Variants in FNDC1 observed in about 807,000 individuals in gnomAD.
FNDC1 encodes the protein fibronectin type III domain-containing protein 1.
In FNDC1, 96 loss-of-function variants were observed where a neutral mutation model predicts 168.0. That is an observed-to-expected ratio of 0.57 (90% confidence interval 0.48 to 0.68). FNDC1 has a LOEUF of 0.68. Among genes scored for constraint, FNDC1 ranks in the 30% least tolerant of loss-of-function variants. The pLI is 0.00. For synonymous variants in FNDC1, 1,099 were observed against 1,025.9 expected, an observed-to-expected ratio of 1.07 and a Z score of -1.36; for missense variants, 2,587 against 2,482.1, an observed-to-expected ratio of 1.04 and a Z score of -0.90.
At chr6:159,263,177 T>G (rs1350643514) in intron 19 of FNDC1, among the ~76,000 whole-genome samples, 1 of 152,122 alleles carries the variant, frequency 6.6e-6, no homozygotes, top group Non-Finnish European at 1.5e-5. Flanking sequence ...TGAACTTCAG[T>G]TCAGAGCAGG....
At chr6:159,237,339 G>T (rs922451569) in intron 12 of FNDC1, among the ~76,000 whole-genome samples, 4 of 152,312 alleles carry the variant, frequency 2.6e-5, no homozygotes, top group Admixed American at 6.5e-5. Context: ...GATCACTGAG[G>T]ATTTTGTCAA....
chr6:159,169,539 C>G lies in FNDC1; in HGVS notation c.-58C>G. 1.9e-6 allele frequency: 1 copy of G among 520,030 alleles called. No individual in the cohort carries two copies. The highest frequency in any genetic ancestry group is 2.6e-6 in the Non-Finnish European group (1 of 387,552). The allele number at this position is 520,030 out of a possible 1,614,324, so 32.2% of individuals were successfully genotyped here. The stretch of plus-strand genomic sequence containing the variant: ...CGGCGCCTCGGCACTCCCCAGACTC[C>G]GGCCAGCGCCCCCCTGCCAGCCGCA... On this transcript the variant is annotated 5_prime_UTR_variant, in exon 1 of 23. Transcript: ENST00000297267. This position sits in a 1 kb window ranked among gnomAD's most constrained non-coding sequence, Gnocchi z 6.8.
intron 1 of FNDC1, among the ~76,000 whole-genome samples, chr6:159,183,669 G>A (rs192070373): frequency 6.6e-6 from 1 of 152,308 alleles, no homozygotes; most frequent in Non-Finnish European, 1.5e-5. Flanking sequence ...CTGGCAAAGG[G>A]GACCAAGACG....
rs750106567 is a variant in FNDC1 at position 159,197,533 on chromosome 6, A to G, written c.212A>G (p.Glu71Gly). The G allele has an allele frequency of 5.6e-6, 9 of 1,614,050 alleles. No individual in the cohort carries two copies. Among genetic ancestry groups the G allele is most frequent in the Non-Finnish European group, 6.8e-6 (8 of 1,179,892 alleles). Reference sequence around the variant, plus strand: ...AAAGATGCTACCAGTAGACCTGTGGAGCATTACAACATTGCCTATGGGAAG... The same window carrying G: ...AAAGATGCTACCAGTAGACCTGTGGGGCATTACAACATTGCCTATGGGAAG... ...PPKDATSRPVEHYNIAYGKSL... is the reference protein window; with the variant it reads ...PPKDATSRPVGHYNIAYGKSL... The change falls in exon 2 of 23, where the codon GAG becomes GGG. Residue 71 changes from glutamate to glycine, a missense_variant. Coordinates refer to ENST00000297267, the MANE Select transcript of FNDC1 (RefSeq NM_032532.3).
In FNDC1 at chr6:159,232,100, G is replaced by C. The variant is rs540838979; in HGVS notation, c.1588G>C (p.Ala530Pro). Residue 530 changes from alanine to proline, a missense_variant, in exon 11 of 23, where the codon GCA becomes CCA. By Grantham distance (27) the Ala-to-Pro change is conservative. Transcript: ENST00000297267. The surrounding 1 kb of genome is among the most constrained non-coding windows in gnomAD (Gnocchi z 4.9). Reference sequence around the variant, plus strand: ...AAAACCCCAGCTTCGCGCCAAGAAGGCAGAGGAGCTGGATCTTCAGTCGAC... The same window carrying C: ...AAAACCCCAGCTTCGCGCCAAGAAGCCAGAGGAGCTGGATCTTCAGTCGAC... ...PRKPQLRAKK[A>P]EELDLQSTEI... 3.1e-6 allele frequency: 5 copies of C among 1,613,930 alleles called. No individual in the cohort carries two copies. The East Asian group carries it at 8.9e-5, about 29-fold the overall frequency.
chr6:159,248,907 G>T (rs1777193750), intron 15 of FNDC1, 132 bp from the exon 16 acceptor site: 2 of 523,302 alleles, frequency 3.8e-6, no homozygotes, highest in East Asian at 4.0e-5. Flanking sequence ...TTATTTTAGG[G>T]TGTGTGTGTG....
chr6:159,239,745 C>T lies in FNDC1; in HGVS notation c.4409C>T (p.Thr1470Ile), dbSNP rs771698449. ...ACCACTACAACCCCGAGGCCCACCA[C>T]TGCCACCACCCGCCGCACGACCACC... ...LPTTTTPRPT[T>I]ATTRRTTTTR... The change falls in exon 14 of 23, where the codon ACT (threonine) becomes ATT (isoleucine). Residue 1470 changes from threonine to isoleucine, a missense_variant. Transcript: ENST00000297267. 3.9e-5 allele frequency: 61 copies of T among 1,545,584 alleles called. No individual in the cohort carries two copies. In the South Asian group the frequency reaches 5.4e-4, roughly 14 times the overall value.
At chr6:159,201,839 G>A (rs950463279) in intron 4 of FNDC1, among the ~76,000 whole-genome samples, 3 of 152,244 alleles carry the variant, frequency 2.0e-5, no homozygotes, top group African/African-American at 4.8e-5. Flanking sequence ...TTAAATAAGC[G>A]TCTTATTTTT....
At chr6:159,192,386 A>G (rs1268064638) in intron 1 of FNDC1, among the ~76,000 whole-genome samples, 2 of 152,214 alleles carry the variant, frequency 1.3e-5, no homozygotes, top group African/African-American at 4.8e-5. Flanking sequence ...TTTCTTATGA[A>G]TTGTGTCATT....
At chr6:159,208,879 C>T (rs2114959916) in intron 4 of FNDC1, among the ~76,000 whole-genome samples, 1 of 141,922 alleles carries the variant, frequency 7.0e-6, no homozygotes, top group South Asian at 2.2e-4. Flanking sequence ...CAGAGTCTCG[C>T]TCTTCTCGCC....
At chr6:159,256,492 T>C in intron 17 of FNDC1, 31 bp from the exon 18 acceptor site, 2 of 1,505,758 alleles carry the variant, frequency 1.3e-6, no homozygotes, top group Non-Finnish European at 1.8e-6. Context: ...TTCCTTGGTG[T>C]CCATTGGGTT....
chr6:159,271,507 T>TTA lies in FNDC1; in HGVS notation c.*65_*66insTA, dbSNP rs1777748850. 6.0e-5 allele frequency: 78 copies of TTA among 1,289,452 alleles called. No homozygotes were observed. The South Asian group carries it at 9.8e-4, about 16-fold the overall frequency. 79.9% of individuals were successfully genotyped at this position (1,289,452 alleles called of 1,614,324 possible). ...CCACCAACTAAGTCGCACTAGGGGC[T>TTA]GTGAGCAAAGACAGCCAGCGTGCTC... On this transcript the variant is annotated 3_prime_UTR_variant, in exon 23 of 23. Transcript: ENST00000297267.
chr6:159,169,621 CTG>C lies in FNDC1; in HGVS notation c.26_27del (p.Leu9ProfsTer29). MAPEAGAT[L>X]RAPRRLSWAA... Reference sequence around the variant, plus strand: ...GATGGCCCCCGAGGCCGGGGCGACCCTGCGCGCGCCGCGCCGGCTGTCCTGGG... The same window carrying C: ...GATGGCCCCCGAGGCCGGGGCGACCCCGCGCGCCGCGCCGGCTGTCCTGGG... On this transcript the variant is annotated frameshift_variant, in exon 1 of 23. Transcript: ENST00000297267. LOFTEE classifies it high-confidence loss of function. The surrounding 1 kb of genome is among the most constrained non-coding windows in gnomAD (Gnocchi z 6.8). 8.8e-7 allele frequency: 1 copy of C among 1,136,792 alleles called. No homozygotes were observed. Among genetic ancestry groups the C allele is most frequent in the African/African-American group, 1.6e-5 (1 of 60,896 alleles). The allele number at this position is 1,136,792 out of a possible 1,614,324, so 70.4% of individuals were successfully genotyped here.
rs748909176 is a variant in FNDC1 at position 159,200,527 on chromosome 6, G to A, written c.406G>A (p.Glu136Lys). ...AESPPGGEWI[E>K]IDGFPIKGPG... is the part of the protein sequence containing the mutation. The stretch of plus-strand genomic sequence containing the variant: ...CCCTAATTTAGGAGGTGAATGGATC[G>A]AGATTGATGGTTTTCCCATTAAGGG... Residue 136 changes from glutamate (E) to lysine (K), a missense_variant, in exon 4 of 23, where the codon GAG becomes AAG. Transcript: ENST00000297267. 19 of 1,599,436 alleles carry A rather than the reference G, an allele frequency of 1.2e-5. No homozygotes were observed. The South Asian group carries it at 1.4e-4, about 11-fold the overall frequency.
At chr6:159,177,329 GT>G (rs1200705933) in intron 1 of FNDC1, among the ~76,000 whole-genome samples, 1 of 152,214 alleles carries the variant, frequency 6.6e-6, no homozygotes, top group Non-Finnish European at 1.5e-5. Context: ...TGTGGCTGGA[GT>G]TAGCTAGCAT....
In FNDC1 at chr6:159,233,429, G is replaced by A; in HGVS notation, c.2917G>A (p.Asp973Asn). The A allele has an allele frequency of 1.2e-6, 2 of 1,611,294 alleles. No homozygotes were observed. The highest frequency in any genetic ancestry group is 1.7e-6 in the Non-Finnish European group (2 of 1,179,350). Residue 973 changes from aspartate (D) to asparagine (N), a missense_variant, in exon 11 of 23, where the codon GAC becomes AAC. Transcript: ENST00000297267. The surrounding 1 kb of genome is among the most constrained non-coding windows in gnomAD (Gnocchi z 4.6). ...HSPKAQPGST[D>N]RHASPARPPA... ...TCCCAAAGCACAGCCAGGGTCCACA[G>A]ACCGCCACGCGTCCCCTGCTCGTCC... is the stretch of plus-strand genomic sequence containing the variant.
At chr6:159,204,646 C>T (rs1203628287) in intron 4 of FNDC1, among the ~76,000 whole-genome samples, 6 of 152,210 alleles carry the variant, frequency 3.9e-5, no homozygotes, top group African/African-American at 7.2e-5. Context: ...CTCTGCCCGT[C>T]GCTCTGCCAG....
Position 159,271,396 on chromosome 6 carries a change from A to G in FNDC1, c.5639A>G (p.Tyr1880Cys), listed in dbSNP as rs200925962. ...GNIGFGTPYY[Y>C]VGWYECGVSI... is the part of the protein sequence containing the mutation. ...ATCGGCTTCGGAACCCCCTACTACT[A>G]TGTGGGCTGGTACGAGTGTGGGGTC... The change falls in exon 23 of 23, where the codon TAT becomes TGT. Residue 1880 changes from tyrosine to cysteine, a missense_variant. Physicochemically the swap from Tyr to Cys is radical, Grantham distance 194 (BLOSUM62 -2). Transcript: ENST00000297267. 339 of 1,612,436 alleles carry G rather than the reference A, an allele frequency of 2.1e-4. 1 individual carries two copies. The highest frequency in any genetic ancestry group is 2.3e-4 in the Non-Finnish European group (276 of 1,179,350).
chr6:159,234,162 G>A lies in FNDC1; in HGVS notation c.3650G>A (p.Gly1217Glu), dbSNP rs1396162019. Residue 1217 changes from glycine (G) to glutamate (E), a missense_variant, in exon 11 of 23, where the codon GGG becomes GAG. Transcript: ENST00000297267. Reference sequence around the variant, plus strand: ...CCCAGGGGCGGCAAAGACGCCGATGGGAGCCTCGCCAAGGAAGAGAGGGAG... The same window carrying A: ...CCCAGGGGCGGCAAAGACGCCGATGAGAGCCTCGCCAAGGAAGAGAGGGAG... ...STPRGGKDAD[G>E]SLAKEEREPA... 3.1e-6 allele frequency: 5 copies of A among 1,599,252 alleles called. No homozygotes were observed. Among genetic ancestry groups the A allele is most frequent in the South Asian group, 1.1e-5 (1 of 88,646 alleles).
Sources: allele counts gnomAD v4.1 joint callset (sites outside exome capture counted in the v4.1 genomes callset), GRCh38; gene constraint gnomAD v4.1.1; non-coding constraint Gnocchi (gnomAD v3.1); transcripts MANE v1.5; gene names NCBI Gene and HGNC (gene_info 2026-07-23, HGNC 2026-07-21).